SPAG17: variants seen among roughly 807,000 people sequenced by gnomAD.
SPAG17 encodes the protein sperm associated antigen 17.
A neutral mutation model predicts 273.6 loss-of-function variants in SPAG17; 169 were observed. That is an observed-to-expected ratio of 0.62 (90% confidence interval 0.55 to 0.70). The LOEUF (loss-of-function observed/expected upper bound fraction) is 0.70. Among genes scored for constraint, SPAG17 ranks in the 30% least tolerant of loss-of-function variants. SPAG17 has a pLI of 0.00. For synonymous variants in SPAG17, 825 were observed against 873.2 expected (o/e 0.94, Z 0.97); for missense variants, 2,557 against 2,627.8 (o/e 0.97, Z 0.59).
At chr1:117,971,795 G>T in intron 45 of SPAG17, 68 bp downstream of exon 45, 1 of 1,350,270 alleles carries the variant, frequency 7.4e-7, no homozygotes, top group Non-Finnish European at 1.0e-6. Flanking sequence ...TATTGATGGA[G>T]GTGACCAAAG....
intron 1 of SPAG17, among the ~76,000 whole-genome samples, chr1:118,160,955 G>A (rs1470998059): frequency 6.6e-6 from 1 of 152,188 alleles, no homozygotes; most frequent in Non-Finnish European, 1.5e-5. Flanking sequence ...GGGTGTGTCA[G>A]AAAAACTATG....
chr1:118,032,570 C>G (rs1648601510), intron 24 of SPAG17, among the ~76,000 whole-genome samples: 1 of 151,610 alleles, frequency 6.6e-6, no homozygotes, highest in African/African-American at 2.4e-5. Context: ...TGTCAGTCCC[C>G]TAAATGTTTT....
rs1387965772 is a variant in SPAG17, at chr1:118,185,116, A to T, written c.42T>A (p.Ser14Arg). The T allele has an allele frequency of 6.2e-7, 1 of 1,614,142 alleles. No homozygotes were observed. The highest frequency in any genetic ancestry group is 1.7e-4 in the Middle Eastern group (1 of 6,060). Residue 14 changes from serine (S) to arginine (R), a missense_variant, in exon 1 of 49, where the codon AGT becomes AGA. Coordinates refer to ENST00000336338, the MANE Select transcript of SPAG17 (RefSeq NM_206996.4). ...TGAGCGAGGGTTCCCATATCTTAGA[A>T]CTGGTGTTCACAGTTCCTCCTTTCT... The part of the protein sequence containing the change: ...KKEKGGTVNT[S>R]SKIWEPSLIA...
intron 8 of SPAG17, 117 bp from the exon 9 acceptor site, chr1:118,092,119 C>T (rs1186209017): frequency 2.4e-6 from 2 of 836,102 alleles, no homozygotes; most frequent in Non-Finnish European, 3.9e-6. Context: ...TATGTTCACA[C>T]CACAAAATCA....
intron 3 of SPAG17, among the ~76,000 whole-genome samples, chr1:118,139,242 C>A (rs989820712): frequency 6.6e-6 from 1 of 151,978 alleles, no homozygotes; most frequent in African/African-American, 2.4e-5. Context: ...TAGGGAAATG[C>A]AAATTAAAAC....
chr1:118,103,918 G>C (rs1350684877), intron 4 of SPAG17, among the ~76,000 whole-genome samples: 1 of 150,432 alleles, frequency 6.6e-6, no homozygotes, highest in Non-Finnish European at 1.5e-5. Context: ...GAACTGAAAG[G>C]AGATGAGCCC....
chr1:118,158,732 G>A (rs1659773508), intron 1 of SPAG17, among the ~76,000 whole-genome samples: 1 of 152,138 alleles, frequency 6.6e-6, no homozygotes, highest in Non-Finnish European at 1.5e-5. Context: ...TCAGCTCAGA[G>A]TCTTAAGAGT....
At chr1:118,088,811 GA>G (rs1302147521) in intron 10 of SPAG17, among the ~76,000 whole-genome samples, 1 of 152,100 alleles carries the variant, frequency 6.6e-6, no homozygotes, top group Admixed American at 6.6e-5. Context: ...AAAATTGAAA[GA>G]AAACTTAAAA....
At chr1:118,051,073 G>A (rs1650952432) in intron 20 of SPAG17, among the ~76,000 whole-genome samples, 1 of 152,052 alleles carries the variant, frequency 6.6e-6, no homozygotes, top group African/African-American at 2.4e-5. Context: ...ATTAAAAAAT[G>A]AGCAAAGGAC....
chr1:118,021,569 G>T (rs944844422), intron 28 of SPAG17, among the ~76,000 whole-genome samples: 4 of 152,088 alleles, frequency 2.6e-5, no homozygotes, highest in African/African-American at 9.7e-5. Context: ...ATGTAAGATT[G>T]GTTCATCAGT....
chr1:118,094,426 A>G (rs1432011732), intron 7 of SPAG17, among the ~76,000 whole-genome samples: 1 of 152,190 alleles, frequency 6.6e-6, no homozygotes, highest in Non-Finnish European at 1.5e-5. Flanking sequence ...CATGCATTGA[A>G]GGGCATTTAT....
In SPAG17 at chr1:118,073,870, G is replaced by T; in HGVS notation, c.2369C>A (p.Pro790Gln). 1 of 1,583,366 alleles carries T rather than the reference G, an allele frequency of 6.3e-7. No homozygotes were observed. Among genetic ancestry groups the T allele is most frequent in the Non-Finnish European group, 8.6e-7 (1 of 1,168,836 alleles). Residue 790 changes from proline to glutamine, a missense_variant, in exon 17 of 49, where the codon CCG becomes CAG. Pro to Gln is a moderately conservative substitution (Grantham distance 76, BLOSUM62 -1). Coordinates refer to ENST00000336338, the MANE Select transcript of SPAG17 (RefSeq NM_206996.4). ...CATAAATACCTGAAGCAGTACTTTC[G>T]GTTTAAAATGTTCAGTAAAACTCCA... ...MDWSFTEHFK[P>Q]KVLLQVLQEA...
At chr1:118,141,050 C>T (rs2102322083) in intron 3 of SPAG17, among the ~76,000 whole-genome samples, 1 of 152,152 alleles carries the variant, frequency 6.6e-6, no homozygotes, top group East Asian at 1.9e-4. Context: ...AACACTCAGC[C>T]TACAGTGTTT....
intron 3 of SPAG17, among the ~76,000 whole-genome samples, chr1:118,129,356 C>T (rs1657924300): frequency 6.6e-6 from 1 of 152,218 alleles, no homozygotes; most frequent in South Asian, 2.1e-4. Context: ...CCCAGACTAG[C>T]AGCATCAGTA....
At position 118,039,432 on chromosome 1, in the gene SPAG17, A is replaced by G. The variant is rs754845659; in HGVS notation, c.3179T>C (p.Ile1060Thr). Residue 1060 changes from isoleucine (I) to threonine (T), a missense_variant, in exon 23 of 49, where the codon ATC becomes ACC. By Grantham distance (89) the Ile-to-Thr change is moderately conservative. Transcript: ENST00000336338. ...KTMFEKGPTFIKVRVVKDNHN... is the reference protein window; with the variant it reads ...KTMFEKGPTFTKVRVVKDNHN... ...GTTGTCCTTTACCACTCTCACTTTG[A>G]TAAAAGTTGGGCCTGAGGAGGAACC... 3.1e-6 allele frequency: 5 copies of G among 1,613,190 alleles called. No homozygotes were observed. In the East Asian group the frequency reaches 1.1e-4, roughly 36 times the overall value.
chr1:118,170,370 C>T (rs551884083), intron 1 of SPAG17, among the ~76,000 whole-genome samples: 1 of 152,086 alleles, frequency 6.6e-6, no homozygotes, highest in African/African-American at 2.4e-5. Context: ...AAGAGAGATC[C>T]TAGAACCAAG....
At chr1:118,178,554 T>C (rs1394288946) in intron 1 of SPAG17, among the ~76,000 whole-genome samples, 1 of 152,044 alleles carries the variant, frequency 6.6e-6, no homozygotes, top group Non-Finnish European at 1.5e-5. Flanking sequence ...TTTTACCACT[T>C]TTATTCAATA....
intron 8 of SPAG17, among the ~76,000 whole-genome samples, chr1:118,092,406 T>C (rs1250475466): frequency 6.6e-6 from 1 of 152,222 alleles, no homozygotes; most frequent in East Asian, 1.9e-4. Flanking sequence ...ATTCATGACC[T>C]GGCTCCTGCC....
intron 4 of SPAG17, among the ~76,000 whole-genome samples, chr1:118,110,155 G>C (rs1165894492): frequency 6.6e-6 from 1 of 152,140 alleles, no homozygotes; most frequent in Non-Finnish European, 1.5e-5. Flanking sequence ...GGTTTATTAT[G>C]AAAAGAAATT....
Sources: allele counts gnomAD v4.1 joint callset (sites outside exome capture counted in the v4.1 genomes callset), GRCh38; gene constraint gnomAD v4.1.1; transcripts MANE v1.5; gene names NCBI Gene and HGNC (gene_info 2026-07-23, HGNC 2026-07-21).